Variants in RAPGEF5 observed in about 807,000 individuals in gnomAD.
RAPGEF5 encodes M-Ras-regulated GEF.
Under a neutral mutation model 125.2 loss-of-function variants are expected in RAPGEF5, and 65 were observed. The observed-to-expected ratio is 0.52, with a 90% CI of 0.43 to 0.64. The LOEUF (loss-of-function observed/expected upper bound fraction) is 0.64. RAPGEF5 is among the 30% of genes least tolerant of loss of function. RAPGEF5 has a pLI of 0.00. For missense variants in RAPGEF5, 958 were observed against 1,048.1 expected (o/e 0.91, Z 1.19); for synonymous variants, 391 against 385.9 (o/e 1.01, Z -0.16).
chr7:22,176,443 T>C (rs1372060463), intron 11 of RAPGEF5, among the ~76,000 whole-genome samples: 1 of 152,208 alleles, frequency 6.6e-6, no homozygotes, highest in East Asian at 1.9e-4. Flanking sequence ...GCAAGATAGC[T>C]AGGTTATATT....
chr7:22,201,059 G>A (rs1477807061), intron 9 of RAPGEF5, among the ~76,000 whole-genome samples: 2 of 152,182 alleles, frequency 1.3e-5, no homozygotes, highest in Non-Finnish European at 2.9e-5. Context: ...AGCAAAAATG[G>A]TGAGAGATAA....
chr7:22,167,252 A>G (rs1266517393), intron 11 of RAPGEF5, 104 bp from the exon 12 acceptor site: 1 of 793,010 alleles, frequency 1.3e-6, no homozygotes, highest in Non-Finnish European at 2.1e-6. Flanking sequence ...AAATATGATA[A>G]ATATTGATAG....
At chr7:22,148,244 C>T (rs146084983) in intron 18 of RAPGEF5, among the ~76,000 whole-genome samples, 130 of 152,328 alleles carry the variant, frequency 8.5e-4, no homozygotes, top group African/African-American at 3.1e-3. Flanking sequence ...GGAAGTAACA[C>T]ACATACCTGC....
intron 23 of RAPGEF5, among the ~76,000 whole-genome samples, chr7:22,133,988 G>C (rs1039443727): frequency 2.6e-5 from 4 of 152,114 alleles, no homozygotes; most frequent in African/African-American, 7.2e-5. Context: ...TAAACACCAA[G>C]GAGTTCAATT....
chr7:22,180,862 T>G (rs1206259035), intron 11 of RAPGEF5, among the ~76,000 whole-genome samples: 1 of 152,236 alleles, frequency 6.6e-6, no homozygotes, highest in Non-Finnish European at 1.5e-5. Flanking sequence ...GGATGTTTGT[T>G]TGTTGGTTTG....
chr7:22,272,342 CAAAA>C (rs1282857477), intron 6 of RAPGEF5, among the ~76,000 whole-genome samples: 2 of 35,972 alleles, frequency 5.6e-5, no homozygotes, highest in East Asian at 8.3e-4. Flanking sequence ...GACTCCGTCT[CAAAA>C]AAAAAAAAAA....
chr7:22,296,629 G>C (rs566451010), intron 5 of RAPGEF5, among the ~76,000 whole-genome samples: 1 of 152,256 alleles, frequency 6.6e-6, no homozygotes, highest in South Asian at 2.1e-4. Context: ...GGAGTGGCTG[G>C]CTTACCTATG....
At chr7:22,246,195 T>C (rs554653372) in intron 7 of RAPGEF5, among the ~76,000 whole-genome samples, 151 of 152,214 alleles carry the variant, frequency 9.9e-4, no homozygotes, top group African/African-American at 3.6e-3. Flanking sequence ...CAAGCTACCA[T>C]TGTCATTTTT....
intron 17 of RAPGEF5, among the ~76,000 whole-genome samples, chr7:22,152,598 G>C (rs529395679): frequency 1.3e-5 from 2 of 152,210 alleles, no homozygotes; most frequent in South Asian, 4.1e-4. Flanking sequence ...ACTTACTAAA[G>C]CTATGAGAAT....
intron 5 of RAPGEF5, 22 bp downstream of exon 5, chr7:22,308,317 G>A (rs570755877): frequency 1.3e-6 from 2 of 1,564,962 alleles, no homozygotes; most frequent in East Asian, 4.7e-5. Flanking sequence ...GAATACAATG[G>A]CACAAGAGAG....
intron 6 of RAPGEF5, among the ~76,000 whole-genome samples, chr7:22,285,139 G>A (rs983186846): frequency 6.6e-6 from 1 of 152,136 alleles, no homozygotes; most frequent in African/African-American, 2.4e-5. Flanking sequence ...GCAGCTGACC[G>A]GGAGCCGCGG....
At chr7:22,326,856 A>C (rs55847645) in intron 1 of RAPGEF5, among the ~76,000 whole-genome samples, 1 of 152,096 alleles carries the variant, frequency 6.6e-6, no homozygotes, top group Non-Finnish European at 1.5e-5. Context: ...GAGAGAGTAG[A>C]TCTTACGTTA....
chr7:22,300,480 G>C (rs956008357), intron 5 of RAPGEF5, among the ~76,000 whole-genome samples: 4 of 152,070 alleles, frequency 2.6e-5, no homozygotes, highest in Non-Finnish European at 5.9e-5. Flanking sequence ...ATATTTTCCT[G>C]ATTATTTTGT....
chr7:22,149,412 CTG>C (rs1310283536), intron 18 of RAPGEF5, among the ~76,000 whole-genome samples: 1 of 152,216 alleles, frequency 6.6e-6, no homozygotes, highest in Non-Finnish European at 1.5e-5. Flanking sequence ...GATGGGGACT[CTG>C]AGTTCCAGAC....
intron 1 of RAPGEF5, among the ~76,000 whole-genome samples, chr7:22,344,160 G>A (rs1784180658): frequency 6.6e-6 from 1 of 152,286 alleles, no homozygotes; most frequent in Admixed American, 6.5e-5. Flanking sequence ...TCCACCCAAA[G>A]AGGGATTGGG....
chr7:22,138,580 G>T (rs981019149), intron 21 of RAPGEF5, among the ~76,000 whole-genome samples: 1 of 152,148 alleles, frequency 6.6e-6, no homozygotes, highest in Non-Finnish European at 1.5e-5. Flanking sequence ...GACCTCGAAG[G>T]CCCTGCAGCT....
chr7:22,309,589 A>G (rs1783422406), intron 4 of RAPGEF5, among the ~76,000 whole-genome samples: 2 of 152,224 alleles, frequency 1.3e-5, no homozygotes, highest in South Asian at 4.1e-4. Context: ...ATGGCATAAC[A>G]TCCCACTCAT....
chr7:22,308,593 A>G, intron 4 of RAPGEF5, 86 bp from the exon 5 acceptor site: 2 of 1,103,332 alleles, frequency 1.8e-6, no homozygotes, highest in South Asian at 1.8e-5. Flanking sequence ...TGAAAGCCCT[A>G]ATAATTGGGA....
rs117504043 is a variant in RAPGEF5, at chr7:22,236,404, T to C, written c.797-5485A>G. 4.6e-5 allele frequency among the ~76,000 whole-genome samples: 7 copies of C among 152,368 alleles called. No homozygotes were observed. The East Asian group carries it at 9.6e-4, about 21-fold the overall frequency. ...GTCTGCTACATACAAGCTGCTGTGA[T>C]AGGTGTAGTGGCACAATCTGCACCT... On this transcript the variant is annotated intron_variant, in intron 7 of 25. Coordinates refer to ENST00000665637, the MANE Select transcript of RAPGEF5 (RefSeq NM_012294.5).
Sources: allele counts gnomAD v4.1 joint callset (sites outside exome capture counted in the v4.1 genomes callset), GRCh38; gene constraint gnomAD v4.1.1; transcripts MANE v1.5; gene names NCBI Gene and HGNC (gene_info 2026-07-23, HGNC 2026-07-21).